Variants in TRAP1 observed in about 807,000 individuals in gnomAD.
The protein encoded by TRAP1 is TNF receptor associated protein 1, also known as heat shock protein 75 kDa, mitochondrial.
TRAP1 carries 102 observed loss-of-function variants against 89.1 expected under a neutral mutation model. The ratio of observed to expected loss-of-function variants is 1.15; its 90% CI spans 0.98 to 1.35. The LOEUF is 1.35. Among genes scored for constraint, TRAP1 ranks in the 40% most tolerant of loss-of-function variants. The pLI is 0.00. For synonymous variants in TRAP1, 508 were observed against 388.0 expected (o/e 1.31, Z -3.64); for missense variants, 1,256 against 945.3 (o/e 1.33, Z -4.31).
chr16:3,658,674 AAAAC>A (rs35893407), intron 17 of TRAP1, 115 bp downstream of exon 17: 11,261 of 983,046 alleles, frequency 0.011, 314 homozygotes, highest in East Asian at 0.094. Flanking sequence ...TCCATCTCAA[AAAAC>A]AAACAAACAA....
At position 3,675,372 on chromosome 16, in the gene TRAP1, G is replaced by A. The variant is rs377042927; in HGVS notation, c.840C>T (p.Phe280=). 11 of 1,614,104 alleles carry A rather than the reference G, an allele frequency of 6.8e-6. No homozygotes were observed. Among genetic ancestry groups the A allele is most frequent in the Admixed American group, 3.3e-5 (2 of 60,024 alleles). The part of the protein sequence containing the change: ...VRDVVTKYSN[F]VSFPLYLNGR... ...CATTCAAGTACAAGGGGAAGCTGAC[G>A]AAGTTGCTGTACTTCGTTACCACAT... The change falls in exon 8 of 18, where the codon TTC becomes TTT. Residue 280 remains phenylalanine, a synonymous_variant. Transcript: ENST00000246957.
intron 16 of TRAP1, chr16:3,661,152 T>TA (rs1418229401): frequency 6.6e-6 from 1 of 152,092 alleles, no homozygotes; most frequent in African/African-American, 2.4e-5. Context: ...CATCAAAGAA[T>TA]AATTCTTTAA....
intron 1 of TRAP1, among the ~76,000 whole-genome samples, chr16:3,715,163 G>A (rs1434172194): frequency 6.6e-6 from 1 of 152,242 alleles, no homozygotes; most frequent in Admixed American, 6.5e-5. Flanking sequence ...AAAGGGCTGG[G>A]CACAGCGGCT....
chr16:3,672,913 C>A (rs2050934450), intron 9 of TRAP1, 93 bp from the exon 10 acceptor site: 13 of 1,467,378 alleles, frequency 8.9e-6, no homozygotes, highest in African/African-American at 1.4e-5. Context: ...GAATCCAGAG[C>A]CCACTCCCGC....
chr16:3,663,235 A>C (rs541316452), intron 14 of TRAP1, 189 bp downstream of exon 14: 2 of 755,096 alleles, frequency 2.6e-6, no homozygotes, highest in African/African-American at 3.5e-5. Flanking sequence ...GGAGCACTGG[A>C]CAGACCCCTG....
chr16:3,665,990 G>A lies in TRAP1; in HGVS notation c.1364C>T (p.Ala455Val). 1.2e-6 allele frequency: 2 copies of A among 1,613,810 alleles called. No homozygotes were observed. The highest frequency in any genetic ancestry group is 1.7e-6 in the Non-Finnish European group (2 of 1,179,906). ...GLFMREGIVT[A>V]TEQEVKEDIA... The stretch of plus-strand genomic sequence containing the variant: ...CTATACCTTGACCTCCTGCTCGGTG[G>A]CGGTCACAATGCCCTCCCGCATGAA... Residue 455 changes from alanine to valine, a missense_variant, in exon 12 of 18, where the codon GCC becomes GTC. By Grantham distance (64) the Ala-to-Val change is moderately conservative. Coordinates refer to ENST00000246957, the MANE Select transcript of TRAP1 (RefSeq NM_016292.3).
At chr16:3,700,630 T>G (rs905402899) in intron 1 of TRAP1, among the ~76,000 whole-genome samples, 3 of 151,874 alleles carry the variant, frequency 2.0e-5, no homozygotes, top group Admixed American at 1.3e-4. Flanking sequence ...CACGCCAGGC[T>G]AATTTTTATA....
At chr16:3,701,979 G>A (rs2051371835) in intron 1 of TRAP1, among the ~76,000 whole-genome samples, 1 of 152,196 alleles carries the variant, frequency 6.6e-6, no homozygotes, top group Non-Finnish European at 1.5e-5. Flanking sequence ...GGGAGGCCAA[G>A]GCAGGTGGAT....
At chr16:3,669,374 A>AGCACGGCTGGTGGG (rs2050879902) in intron 11 of TRAP1, among the ~76,000 whole-genome samples, 1 of 152,224 alleles carries the variant, frequency 6.6e-6, no homozygotes, top group Non-Finnish European at 1.5e-5. Flanking sequence ...TCCTGCTGTC[A>AGCACGGCTGGTGGG]GAAGCCAGCA....
In TRAP1 at chr16:3,663,176, A is replaced by G. The variant is rs187144165; in HGVS notation, c.1709-209T>C. On this transcript the variant is annotated intron_variant, in intron 14 of 17. Transcript: ENST00000246957. ...ACAACTTGGTTAGGGCTTTAAAAAA[A>G]TACACAGCCTCTCAAGAAGCTGGGC... 6.1e-4 allele frequency: 401 copies of G among 660,046 alleles called. No individual in the cohort carries two copies. In the East Asian group the frequency reaches 9.8e-3, roughly 16 times the overall value. 40.9% of individuals were successfully genotyped at this position (660,046 alleles called of 1,614,324 possible).
intron 1 of TRAP1, among the ~76,000 whole-genome samples, chr16:3,707,159 T>A (rs1465709829): frequency 6.6e-6 from 1 of 150,998 alleles, no homozygotes. Context: ...CTTGAGTTTT[T>A]AAAAAAAATG....
chr16:3,685,318 A>G (rs1254045244), intron 4 of TRAP1, among the ~76,000 whole-genome samples: 3 of 152,142 alleles, frequency 2.0e-5, no homozygotes, highest in African/African-American at 4.8e-5. Flanking sequence ...CACCTCACAA[A>G]AGCCCCTCCT....
At chr16:3,662,253 C>A in intron 15 of TRAP1, 121 bp from the exon 16 acceptor site, 2 of 1,229,108 alleles carry the variant, frequency 1.6e-6, no homozygotes, top group Admixed American at 2.5e-5. Context: ...TCAAGGACTC[C>A]CCTGGACCAG....
chr16:3,697,613 G>A (rs1184942190), intron 1 of TRAP1, among the ~76,000 whole-genome samples: 2 of 148,126 alleles, frequency 1.4e-5, no homozygotes, highest in Non-Finnish European at 3.0e-5. Context: ...GCAGCGAGCT[G>A]AGATGGCGCC....
Position 3,658,093 on chromosome 16 carries a change from T to G in TRAP1, c.*36A>C, listed in dbSNP as rs1198832406. 6.2e-7 allele frequency: 1 copy of G among 1,609,910 alleles called. No homozygotes were observed. The highest frequency in any genetic ancestry group is 1.7e-5 in the Admixed American group (1 of 59,946). On this transcript the variant is annotated 3_prime_UTR_variant, in exon 18 of 18. Coordinates refer to ENST00000246957, the MANE Select transcript of TRAP1 (RefSeq NM_016292.3). ...AATAAAGCTCAAGGAGGTGGGGCTG[T>G]CATCTGTGGTGTCAGTCCTTCTGGC...
At position 3,683,636 on chromosome 16, in the gene TRAP1, T is replaced by C. The variant is rs1460135602; in HGVS notation, c.471+2360A>G. Among the ~76,000 whole-genome samples, 4 of 151,750 alleles carry C rather than the reference T, an allele frequency of 2.6e-5. No individual in the cohort carries two copies. The East Asian group carries it at 5.9e-4, about 22-fold the overall frequency. Reference sequence around the variant, plus strand: ...CCTGACCTCAGGTGATCCGCCCACCTTGGCCTCTCAAAGTGCTGGGATTAC... The same window carrying C: ...CCTGACCTCAGGTGATCCGCCCACCCTGGCCTCTCAAAGTGCTGGGATTAC... On this transcript the variant is annotated intron_variant, in intron 4 of 17. Transcript: ENST00000246957.
intron 13 of TRAP1, 33 bp downstream of exon 13, chr16:3,664,241 C>T: frequency 6.6e-7 from 1 of 1,517,792 alleles, no homozygotes; most frequent in Non-Finnish European, 8.8e-7. Context: ...AGGTTGCAGC[C>T]CCCGGAGCCC....
At chr16:3,678,860 C>T (rs1485766738) in intron 5 of TRAP1, among the ~76,000 whole-genome samples, 2 of 152,184 alleles carry the variant, frequency 1.3e-5, no homozygotes, top group African/African-American at 2.4e-5. Flanking sequence ...GGTCTGAGTC[C>T]AAATGTGTTG....
chr16:3,662,498 G>C, intron 15 of TRAP1: 1 of 522,388 alleles, frequency 1.9e-6, no homozygotes, highest in South Asian at 1.9e-5. Flanking sequence ...GGTGGGGGGA[G>C]TCTTAGCTCT....
Sources: allele counts gnomAD v4.1 joint callset (sites outside exome capture counted in the v4.1 genomes callset), GRCh38; gene constraint gnomAD v4.1.1; transcripts MANE v1.5; gene names NCBI Gene and HGNC (gene_info 2026-07-23, HGNC 2026-07-21).